The following GRM5 variants were observed in gnomAD, a reference collection of about 807,000 sequenced individuals.
GRM5 encodes the protein glutamate metabotropic receptor 5.
GRM5 carries 19 observed loss-of-function variants against 83.1 expected under a neutral mutation model. That is an observed-to-expected ratio of 0.23 (90% CI 0.16 to 0.34). GRM5 has a LOEUF of 0.34. Among genes scored for constraint, GRM5 ranks in the 10% least tolerant of loss-of-function variants. The pLI, the probability that GRM5 is intolerant of heterozygous loss-of-function variation, is 1.00. For missense variants in GRM5, 1,160 were observed against 1,588.3 expected, an observed-to-expected ratio of 0.73 and a Z score of 4.58; for synonymous variants, 675 against 633.6, an observed-to-expected ratio of 1.07 and a Z score of -0.98.
At chr11:88,855,179 T>A (rs1290019137) in intron 2 of GRM5, among the ~76,000 whole-genome samples, 2 of 151,938 alleles carry the variant, frequency 1.3e-5, no homozygotes, top group African/African-American at 2.4e-5. Flanking sequence ...TTTTTCATAG[T>A]ATCTTTACTT....
chr11:88,693,412 A>G (rs1190179782), intron 3 of GRM5, among the ~76,000 whole-genome samples: 1 of 152,196 alleles, frequency 6.6e-6, no homozygotes, highest in African/African-American at 2.4e-5. Context: ...GAGGAAGCAG[A>G]ACCTGGGATT....
At position 88,597,367 on chromosome 11, in the gene GRM5, T is replaced by C; in HGVS notation, c.1395-15A>G. On this transcript the variant is annotated splice_polypyrimidine_tract_variant and intron_variant, in intron 5 of 9. Coordinates refer to ENST00000305447, the MANE Select transcript of GRM5 (RefSeq NM_001143831.3). ...TTATTTCATACCTTAGGAATAAGAA[T>C]ATGATAATTATGCAGCTTAAGATGT... 7.7e-7 allele frequency: 1 copy of C among 1,303,318 alleles called. No individual in the cohort carries two copies. Among genetic ancestry groups the C allele is most frequent in the African/African-American group, 1.5e-5 (1 of 68,400 alleles). 80.7% of individuals were successfully genotyped at this position (1,303,318 alleles called of 1,614,324 possible). A position where few individuals can be genotyped will look rare whatever the true frequency, so the allele number is the denominator to read the frequency against.
At chr11:89,060,690 A>C (rs190938595) in intron 1 of GRM5, among the ~76,000 whole-genome samples, 1 of 152,278 alleles carries the variant, frequency 6.6e-6, no homozygotes. Flanking sequence ...AAGGTAAAAT[A>C]TAGATTTTCA....
intron 2 of GRM5, among the ~76,000 whole-genome samples, chr11:89,040,011 T>A (rs1391996011): frequency 6.6e-6 from 1 of 152,210 alleles, no homozygotes; most frequent in Non-Finnish European, 1.5e-5. Flanking sequence ...AGCCTTATTA[T>A]GTTGCCCACC....
Position 88,917,484 on chromosome 11 carries a change from A to G in GRM5, c.662-67329T>C, listed in dbSNP as rs190831553. Among the ~76,000 whole-genome samples, 19 of 152,328 alleles carry G rather than the reference A, an allele frequency of 1.2e-4. No individual in the cohort carries two copies. In the East Asian group the frequency reaches 2.5e-3, roughly 20 times the overall value. ...CCATCTAGGAAAACATGACTTTGCC[A>G]AACTAAATAAGGCACCAATGAGCAA... On this transcript the variant is annotated intron_variant, in intron 2 of 9. Coordinates refer to ENST00000305447, the MANE Select transcript of GRM5 (RefSeq NM_001143831.3).
At chr11:88,959,889 A>AT (rs1455021888) in intron 2 of GRM5, among the ~76,000 whole-genome samples, 5 of 152,210 alleles carry the variant, frequency 3.3e-5, no homozygotes, top group Admixed American at 3.3e-4. Context: ...AAGAAAGTAT[A>AT]TATACAGCTA....
intron 2 of GRM5, among the ~76,000 whole-genome samples, chr11:88,969,660 G>GT (rs1456939710): frequency 6.6e-6 from 1 of 152,098 alleles, no homozygotes; most frequent in Non-Finnish European, 1.5e-5. Context: ...GTTTATAGCA[G>GT]TAAGAATTCT....
chr11:88,739,680 C>T (rs1433599493), intron 3 of GRM5, among the ~76,000 whole-genome samples: 1 of 151,990 alleles, frequency 6.6e-6, no homozygotes. Context: ...TTGGCAAGTT[C>T]CTCCTTCGCT....
At chr11:88,562,761 G>A (rs765520562) in intron 8 of GRM5, among the ~76,000 whole-genome samples, 5 of 151,494 alleles carry the variant, frequency 3.3e-5, no homozygotes, top group Admixed American at 6.6e-5. Context: ...CACCTGACAC[G>A]CCATTTTTTC....
At chr11:88,542,805 A>ATGTC (rs993183290) in intron 8 of GRM5, among the ~76,000 whole-genome samples, 1 of 152,194 alleles carries the variant, frequency 6.6e-6, no homozygotes, top group Non-Finnish European at 1.5e-5. Context: ...TTGGTGGCTT[A>ATGTC]TGTCTGTACT....
intron 7 of GRM5, among the ~76,000 whole-genome samples, chr11:88,570,145 T>C (rs1156593359): frequency 6.6e-6 from 1 of 152,132 alleles, no homozygotes; most frequent in Non-Finnish European, 1.5e-5. Context: ...ATAGTACTAT[T>C]AGTACTATAA....
At chr11:88,615,649 T>TA (rs58256186) in intron 4 of GRM5, among the ~76,000 whole-genome samples, 7,208 of 119,690 alleles carry the variant, frequency 0.06, 536 homozygotes, top group African/African-American at 0.19. Flanking sequence ...ATTAAGAAAC[T>TA]AAAAAAAAAA....
intron 8 of GRM5, among the ~76,000 whole-genome samples, chr11:88,535,538 A>G (rs1455609272): frequency 6.6e-6 from 1 of 152,170 alleles, no homozygotes; most frequent in East Asian, 1.9e-4. Context: ...CCTTTGAGCT[A>G]CTGAATTAGC....
intron 8 of GRM5, among the ~76,000 whole-genome samples, chr11:88,558,793 C>G (rs1942686338): frequency 1.7e-5 from 2 of 117,442 alleles, no homozygotes; most frequent in Admixed American, 8.7e-5. Flanking sequence ...GAGTGAGACT[C>G]CATCTCAAAA....
chr11:88,693,626 TCACCTCTC>T (rs1253862102), intron 3 of GRM5, among the ~76,000 whole-genome samples: 1 of 152,314 alleles, frequency 6.6e-6, no homozygotes, highest in East Asian at 1.9e-4. Flanking sequence ...GAGACTGGGC[TCACCTCTC>T]CATATGGATG....
chr11:88,940,183 C>T (rs1313003567), intron 2 of GRM5, among the ~76,000 whole-genome samples: 1 of 151,702 alleles, frequency 6.6e-6, no homozygotes, highest in Non-Finnish European at 1.5e-5. Context: ...TGATATATTC[C>T]ATAACTCTGA....
rs542297741 is a variant in GRM5 at position 88,756,634 on chromosome 11, A to G, written c.911+93272T>C. 1.5e-4 allele frequency among the ~76,000 whole-genome samples: 23 copies of G among 152,282 alleles called. 1 individual carries two copies. The highest frequency in any genetic ancestry group is 1.0e-3 in the South Asian group (5 of 4,828). On this transcript the variant is annotated intron_variant, in intron 3 of 9. Transcript: ENST00000305447. Reference sequence around the variant, plus strand: ...ATATAAACTCTAAACTATAAATTATAAACTATAACTTTGTTGTATAAACTA... The same window carrying G: ...ATATAAACTCTAAACTATAAATTATGAACTATAACTTTGTTGTATAAACTA...
At chr11:88,554,154 G>C (rs1942572083) in intron 8 of GRM5, among the ~76,000 whole-genome samples, 1 of 152,116 alleles carries the variant, frequency 6.6e-6, no homozygotes, top group Non-Finnish European at 1.5e-5. Context: ...TCTGGAGGCT[G>C]TAGGGGACAA....
intron 2 of GRM5, among the ~76,000 whole-genome samples, chr11:88,923,661 C>G (rs1471217722): frequency 6.6e-6 from 1 of 151,680 alleles, no homozygotes; most frequent in Non-Finnish European, 1.5e-5. Context: ...CTACACTCAA[C>G]AATTTATTGT....
Sources: gnomAD v4.1 joint callset for allele counts (sites outside exome capture counted in the v4.1 genomes callset) on GRCh38, gnomAD v4.1.1 for gene constraint, MANE v1.5 for transcripts, NCBI Gene and HGNC (gene_info 2026-07-23, HGNC 2026-07-21) for gene names.